Variants in DUSP10 observed in about 807,000 individuals in gnomAD.
DUSP10 encodes dual specificity protein phosphatase 10.
A neutral mutation model predicts 30.8 loss-of-function variants in DUSP10; 14 were observed. The ratio of observed to expected loss-of-function variants is 0.46; its 90% confidence interval spans 0.30 to 0.71. The LOEUF is 0.71. DUSP10 is among the 30% of genes least tolerant of loss of function. DUSP10 has a pLI of 0.08. For missense variants in DUSP10, 550 were observed against 619.4 expected (o/e 0.89, Z 1.19); for synonymous variants, 254 against 250.4 (o/e 1.01, Z -0.14).
At chr1:221,728,325 T>A (rs1661484812) in intron 2 of DUSP10, among the ~76,000 whole-genome samples, 1 of 152,248 alleles carries the variant, frequency 6.6e-6, no homozygotes, top group African/African-American at 2.4e-5. Context: ...ACTTTCACTG[T>A]GTGAAGCTGG....
At chr1:221,714,258 G>C (rs953945951) in intron 2 of DUSP10, among the ~76,000 whole-genome samples, 1 of 152,148 alleles carries the variant, frequency 6.6e-6, no homozygotes, top group East Asian at 1.9e-4. Flanking sequence ...AAATTACTTA[G>C]GCAGATAGTG....
intron 2 of DUSP10, among the ~76,000 whole-genome samples, chr1:221,712,117 GATTGGGTATTTTACAGTAGGA>G (rs997494462): frequency 3.3e-5 from 5 of 152,182 alleles, no homozygotes; most frequent in African/African-American, 4.8e-5. Context: ...CCATAGATGT[GATTGGGTATTTTACAGTAGGA>G]ATTGGGTATT....
chr1:221,709,212 G>C (rs1264884089), intron 2 of DUSP10, among the ~76,000 whole-genome samples: 1 of 152,106 alleles, frequency 6.6e-6, no homozygotes, highest in East Asian at 1.9e-4. Flanking sequence ...AACAATACAA[G>C]AAGAACTACT....
chr1:221,732,938 C>A (rs1661660571), intron 2 of DUSP10, among the ~76,000 whole-genome samples: 1 of 152,194 alleles, frequency 6.6e-6, no homozygotes. Flanking sequence ...CTTCTCAAAG[C>A]TGGGATTCTT....
At chr1:221,738,205 A>T (rs1403061382) in intron 2 of DUSP10, among the ~76,000 whole-genome samples, 1 of 152,172 alleles carries the variant, frequency 6.6e-6, no homozygotes, top group Non-Finnish European at 1.5e-5. Context: ...TGCATTCAGT[A>T]TACTGGGGCA....
chr1:221,717,458 CAG>C (rs34500007), intron 2 of DUSP10, among the ~76,000 whole-genome samples: 60,981 of 148,940 alleles, frequency 0.41, 12,457 homozygotes, highest in South Asian at 0.51. Flanking sequence ...GGAAAAGAAA[CAG>C]AGAGAGAGAG....
At chr1:221,733,227 T>C (rs1007709850) in intron 2 of DUSP10, among the ~76,000 whole-genome samples, 5 of 152,226 alleles carry the variant, frequency 3.3e-5, no homozygotes, top group African/African-American at 4.8e-5. Context: ...TTTCTGCTCC[T>C]GTAATTTTGT....
chr1:221,702,331 G>T lies in DUSP10; in HGVS notation c.*81C>A. ...TTACTCCCAACTACAAAAAAAAAAAGAAAGAAAAAAAACCAGAATCCATCC... is the reference window on the plus strand; with the variant it reads ...TTACTCCCAACTACAAAAAAAAAAATAAAGAAAAAAAACCAGAATCCATCC... On this transcript the variant is annotated 3_prime_UTR_variant, in exon 4 of 4. Transcript: ENST00000366899. This position sits in a 1 kb window ranked among gnomAD's most constrained non-coding sequence, Gnocchi z 4.5. 3 of 1,462,388 alleles carry T rather than the reference G, an allele frequency of 2.1e-6. No homozygotes were observed. The highest frequency in any genetic ancestry group is 1.3e-5 in the South Asian group (1 of 74,084). The allele number at this position is 1,462,388 out of a possible 1,614,324, so 90.6% of individuals were successfully genotyped here.
intron 2 of DUSP10, among the ~76,000 whole-genome samples, chr1:221,736,482 A>G (rs1661775679): frequency 6.6e-6 from 1 of 152,016 alleles, no homozygotes. Context: ...GGATTACTCA[A>G]ATAAATCTGA....
At chr1:221,724,521 C>T (rs969725684) in intron 2 of DUSP10, among the ~76,000 whole-genome samples, 1 of 152,092 alleles carries the variant, frequency 6.6e-6, no homozygotes, top group Admixed American at 6.5e-5. Context: ...ATATTTTACA[C>T]CTACAGCACA....
At chr1:221,710,528 TC>T (rs1660904476) in intron 2 of DUSP10, among the ~76,000 whole-genome samples, 1 of 140,156 alleles carries the variant, frequency 7.1e-6, no homozygotes, top group African/African-American at 3.0e-5. Flanking sequence ...ATTTTAAAGA[TC>T]TAAAAAAAAA....
At chr1:221,722,806 C>A (rs1314536673) in intron 2 of DUSP10, among the ~76,000 whole-genome samples, 1 of 152,076 alleles carries the variant, frequency 6.6e-6, no homozygotes, top group African/African-American at 2.4e-5. Context: ...GGACCACAGA[C>A]AAGAGGCAGT....
Position 221,702,543 on chromosome 1 carries a change from C to T in DUSP10, c.1318G>A (p.Gly440Ser). The T allele has an allele frequency of 1.2e-6, 2 of 1,614,148 alleles. No homozygotes were observed. The highest frequency in any genetic ancestry group is 8.5e-7 in the Non-Finnish European group (1 of 1,180,034). Residue 440 changes from glycine to serine, a missense_variant, in exon 4 of 4, where the codon GGC (glycine) becomes AGC (serine). Transcript: ENST00000366899. This position sits in a 1 kb window ranked among gnomAD's most constrained non-coding sequence, Gnocchi z 4.5. ...TMTDAYKFVKGKRPIISPNLN... is the reference protein window; with the variant it reads ...TMTDAYKFVKSKRPIISPNLN... ...TTTGGGGAGATAATTGGTCGTTTGC[C>T]TTTGACAAATTTATAAGCATCAGTC...
At chr1:221,717,209 G>T (rs754924624) in intron 2 of DUSP10, among the ~76,000 whole-genome samples, 1 of 152,130 alleles carries the variant, frequency 6.6e-6, no homozygotes, top group Non-Finnish European at 1.5e-5. Context: ...CACCACACTG[G>T]GAAAGGCAGG....
intron 2 of DUSP10, among the ~76,000 whole-genome samples, chr1:221,715,574 T>C (rs1049566251): frequency 1.3e-5 from 2 of 152,238 alleles, no homozygotes; most frequent in African/African-American, 4.8e-5. Flanking sequence ...TTGTGTGTAT[T>C]TGAATAACAC....
chr1:221,721,307 C>T lies in DUSP10; in HGVS notation c.812-14841G>A, dbSNP rs560016966. ...TGTTCAGCATTATGCTATGGATTTG[C>T]GAGATTTGATTGAAAAAAATAGTCC... is the stretch of plus-strand genomic sequence containing the variant. On this transcript the variant is annotated intron_variant, in intron 2 of 3. Coordinates refer to ENST00000366899, the MANE Select transcript of DUSP10 (RefSeq NM_007207.6). 3.3e-5 allele frequency among the ~76,000 whole-genome samples: 5 copies of T among 152,052 alleles called. No homozygotes were observed. The South Asian group carries it at 6.2e-4, about 19-fold the overall frequency.
chr1:221,734,290 T>C (rs1447195641), intron 2 of DUSP10, among the ~76,000 whole-genome samples: 1 of 152,256 alleles, frequency 6.6e-6, no homozygotes, highest in Non-Finnish European at 1.5e-5. Flanking sequence ...ATACCCAAAT[T>C]ACTCCAGCCT....
At chr1:221,704,027 G>C (rs540402353) in intron 3 of DUSP10, among the ~76,000 whole-genome samples, 1 of 152,306 alleles carries the variant, frequency 6.6e-6, no homozygotes, top group Non-Finnish European at 1.5e-5. Context: ...ATGGTGGTGA[G>C]AGAATGAGCT....
intron 2 of DUSP10, among the ~76,000 whole-genome samples, chr1:221,725,651 A>T (rs1661404796): frequency 6.6e-6 from 1 of 152,240 alleles, no homozygotes; most frequent in African/African-American, 2.4e-5. Context: ...ACTTTACCTC[A>T]ATTTGGCAAA....
Sources: gnomAD v4.1 joint callset for allele counts (sites outside exome capture counted in the v4.1 genomes callset) on GRCh38, gnomAD v4.1.1 for gene constraint, Gnocchi (gnomAD v3.1) non-coding constraint, MANE v1.5 for transcripts, NCBI Gene and HGNC (gene_info 2026-07-23, HGNC 2026-07-21) for gene names.